FLCN: variants seen among roughly 807,000 people sequenced by gnomAD.
The protein encoded by FLCN is folliculin.
Under a neutral mutation model 62.5 loss-of-function variants are expected in FLCN, and 22 were observed. The observed-to-expected ratio is 0.35, with a 90% confidence interval of 0.25 to 0.50. The LOEUF (loss-of-function observed/expected upper bound fraction) is 0.50. Among genes scored for constraint, FLCN ranks in the 20% least tolerant of loss-of-function variants. FLCN has a pLI of 0.97. For synonymous variants in FLCN, 319 were observed against 310.0 expected, an observed-to-expected ratio of 1.03 and a Z score of -0.30; for missense variants, 657 against 778.0, an observed-to-expected ratio of 0.84 and a Z score of 1.85.
At chr17:17,217,908 G>A (rs951044045) in intron 9 of FLCN, among the ~76,000 whole-genome samples, 2 of 152,260 alleles carry the variant, frequency 1.3e-5, no homozygotes, top group Admixed American at 1.3e-4. Flanking sequence ...CAGCCTCAAA[G>A]TAGTCCCACC....
chr17:17,222,229 T>C (rs2047113097), intron 7 of FLCN, among the ~76,000 whole-genome samples: 1 of 152,054 alleles, frequency 6.6e-6, no homozygotes, highest in African/African-American at 2.4e-5. Flanking sequence ...CCCAGCTACT[T>C]GGGAGGCTGG....
At chr17:17,232,276 G>A (rs543287548) in intron 2 of FLCN, among the ~76,000 whole-genome samples, 17 of 152,178 alleles carry the variant, frequency 1.1e-4, no homozygotes, top group African/African-American at 4.1e-4. Flanking sequence ...CCTCCACCCC[G>A]ACACCCTCCC....
intron 1 of FLCN, among the ~76,000 whole-genome samples, chr17:17,235,109 CAAAAAAA>C (rs34695824): frequency 0.012 from 874 of 70,620 alleles, 16 homozygotes; most frequent in African/African-American, 0.04. Flanking sequence ...GACTCCATTT[CAAAAAAA>C]AAAAAAAAAA....
intron 9 of FLCN, 132 bp downstream of exon 9, chr17:17,218,887 A>G (rs1246663466): frequency 9.8e-7 from 1 of 1,022,838 alleles, no homozygotes; most frequent in Non-Finnish European, 1.4e-6. Context: ...TCAGCCACCC[A>G]CCGAGGAGGC....
At chr17:17,227,744 C>A in intron 4 of FLCN, 145 bp downstream of exon 4, 1 of 1,144,324 alleles carries the variant, frequency 8.7e-7, no homozygotes, top group Non-Finnish European at 1.3e-6. Flanking sequence ...ACAAAAGCTA[C>A]AGTCAGGATG....
At position 17,223,986 on chromosome 17, in the gene FLCN, G is replaced by A; in HGVS notation, c.554C>T (p.Ser185Phe). The change falls in exon 6 of 14, where the codon TCC becomes TTC. Residue 185 changes from serine (S) to phenylalanine (F), a missense_variant. Coordinates refer to ENST00000285071, the MANE Select transcript of FLCN (RefSeq NM_144997.7). ...GACCTTCCCCAGCAGGAAGGGCCAG[G>A]AGTTGATGAGGTAGATCCGGTCCAT... Reference protein sequence around the residue: ...IMMDRIYLINSWPFLLGKVRG... With the variant: ...IMMDRIYLINFWPFLLGKVRG... The A allele has an allele frequency of 6.2e-7, 1 of 1,613,684 alleles. No individual in the cohort carries two copies. The highest frequency in any genetic ancestry group is 8.5e-7 in the Non-Finnish European group (1 of 1,180,046).
Position 17,216,663 on chromosome 17 carries a change from G to C in FLCN, c.1177-160C>G, listed in dbSNP as rs894795804. Among the ~76,000 whole-genome samples, 1 of 152,058 alleles carries C rather than the reference G, an allele frequency of 6.6e-6. No individual in the cohort carries two copies. The highest frequency in any genetic ancestry group is 1.5e-5 in the Non-Finnish European group (1 of 67,988). On this transcript the variant is annotated intron_variant, in intron 10 of 13. Transcript: ENST00000285071. This position sits in a 1 kb window ranked among gnomAD's most constrained non-coding sequence, Gnocchi z 4.0. ...GACTCTCAGCCCACAGTGGGGGTGA[G>C]GGGGGAGGGTCCTCCACCACCAGGT... is the stretch of plus-strand genomic sequence containing the variant.
At chr17:17,221,695 G>A (rs1198052217) in intron 7 of FLCN, 67 bp from the exon 8 acceptor site, 1 of 1,525,688 alleles carries the variant, frequency 6.6e-7, no homozygotes, top group Non-Finnish European at 8.9e-7. Context: ...CGCTCACCCA[G>A]CCCCTGATCC....
intron 6 of FLCN, among the ~76,000 whole-genome samples, chr17:17,223,562 G>A (rs773774148): frequency 1.3e-5 from 2 of 152,232 alleles, no homozygotes; most frequent in East Asian, 3.8e-4. Flanking sequence ...GGCCTGGCCT[G>A]AGCTGCATCT....
rs770396757 is a variant in FLCN at position 17,219,060 on chromosome 17, G to A, written c.1021C>T (p.Arg341Trp). 3.3e-5 allele frequency: 54 copies of A among 1,613,718 alleles called. No homozygotes were observed. Among genetic ancestry groups the A allele is most frequent in the South Asian group, 2.0e-4 (18 of 91,080 alleles). ...AGGGACTTGAAGACTGGCAGCTTCC[G>A]GGGCTGCCAGCTCCCACAGCCTGAG... ...SLSGCGSWQP[R>W]KLPVFKSLRH... is the part of the protein sequence containing the mutation. The change falls in exon 9 of 14, where the codon CGG (arginine) becomes TGG (tryptophan). Residue 341 changes from arginine (R) to tryptophan (W), a missense_variant. Physicochemically the swap from Arg to Trp is moderately radical, Grantham distance 101 (BLOSUM62 -3). Coordinates refer to ENST00000285071, the MANE Select transcript of FLCN (RefSeq NM_144997.7).
rs766218250 is a variant in FLCN, at chr17:17,216,400, G to C, written c.1280C>G (p.Pro427Arg). 1.2e-6 allele frequency: 2 copies of C among 1,613,650 alleles called. No homozygotes were observed. The highest frequency in any genetic ancestry group is 1.7e-6 in the Non-Finnish European group (2 of 1,179,760). ...CGCACCTGAGGAGAGCACGTGGGGG[G>C]GGATCTGCACGTGCGGGCTGAGCCC... ...FLGLSPHVQIPPHVLSSEFAV... is the reference protein window; with the variant it reads ...FLGLSPHVQIRPHVLSSEFAV... Residue 427 changes from proline to arginine, a missense_variant, in exon 11 of 14, where the codon CCC becomes CGC. Physicochemically the swap from Pro to Arg is moderately radical, Grantham distance 103. Transcript: ENST00000285071. The surrounding 1 kb of genome is among the most constrained non-coding windows in gnomAD (Gnocchi z 4.0).
chr17:17,221,276 T>C, intron 8 of FLCN: 6 of 1,546,864 alleles, frequency 3.9e-6, no homozygotes, highest in Non-Finnish European at 5.2e-6. Context: ...CAGTTCTCTC[T>C]ACAGACAGCC....
chr17:17,215,103 G>A lies in FLCN; in HGVS notation c.1433-13C>T, dbSNP rs200771620. ...ATGGTGGGGCCCACTGGGGAGAAGG[G>A]CAGGGGCAGAGCAAGGGCAGGCGTT... On this transcript the variant is annotated splice_polypyrimidine_tract_variant and intron_variant, in intron 12 of 13. Coordinates refer to ENST00000285071, the MANE Select transcript of FLCN (RefSeq NM_144997.7). The A allele has an allele frequency of 5.0e-6, 8 of 1,613,940 alleles. No homozygotes were observed. The Admixed American group carries it at 1.0e-4, about 20-fold the overall frequency.
chr17:17,224,497 T>A (rs2047193408), intron 5 of FLCN: 1 of 432,982 alleles, frequency 2.3e-6, no homozygotes, highest in Non-Finnish European at 4.3e-6. Flanking sequence ...GAGCAGCCAC[T>A]GCACTCTCCC....
At chr17:17,221,510 G>A in intron 8 of FLCN, 27 bp downstream of exon 8, 1 of 1,613,746 alleles carries the variant, frequency 6.2e-7, no homozygotes, top group South Asian at 1.1e-5. Context: ...CCGGGCCAAG[G>A]CCCCGGCAAC....
chr17:17,213,300 G>A lies in FLCN; in HGVS notation c.*355C>T. 1 of 457,972 alleles carries A rather than the reference G, an allele frequency of 2.2e-6. No individual in the cohort carries two copies. Among genetic ancestry groups the A allele is most frequent in the Middle Eastern group, 6.1e-4 (1 of 1,634 alleles). The allele number at this position is 457,972 out of a possible 1,614,324, so 28.4% of individuals were successfully genotyped here. On this transcript the variant is annotated 3_prime_UTR_variant, in exon 14 of 14. Transcript: ENST00000285071. ...ACCTCGGGAGCAGACATGTTATTGC[G>A]ACTGCATACTGAGTCGGACCTGTTT... is the stretch of plus-strand genomic sequence containing the variant.
intron 2 of FLCN, among the ~76,000 whole-genome samples, chr17:17,232,441 G>A (rs754430983): frequency 1.3e-5 from 2 of 152,302 alleles, no homozygotes; most frequent in Non-Finnish European, 2.9e-5. Context: ...AGAAAGGGGC[G>A]GAATCTAGGG....
At position 17,227,276 on chromosome 17, in the gene FLCN, G is replaced by A. The variant is rs184560299; in HGVS notation, c.249+613C>T. Among the ~76,000 whole-genome samples, 3 of 148,680 alleles carry A rather than the reference G, an allele frequency of 2.0e-5. No homozygotes were observed. The East Asian group carries it at 5.9e-4, about 29-fold the overall frequency. On this transcript the variant is annotated intron_variant, in intron 4 of 13. Coordinates refer to ENST00000285071, the MANE Select transcript of FLCN (RefSeq NM_144997.7). The stretch of plus-strand genomic sequence containing the variant: ...AATTCCCGAGAGTTCAAGAGCTGAT[G>A]GAGTGACCCACCGAGAACACTGGGG...
intron 8 of FLCN, among the ~76,000 whole-genome samples, 156 bp from the exon 9 acceptor site, chr17:17,219,365 T>TGGGA (rs2047021487): frequency 7.7e-6 from 1 of 130,070 alleles, no homozygotes; most frequent in African/African-American, 2.8e-5. Context: ...AGCCCTGGGG[T>TGGGA]GGGAGGGAGG....
Sources: allele counts gnomAD v4.1 joint callset (sites outside exome capture counted in the v4.1 genomes callset), GRCh38; gene constraint gnomAD v4.1.1; non-coding constraint Gnocchi (gnomAD v3.1); transcripts MANE v1.5; gene names NCBI Gene and HGNC (gene_info 2026-07-23, HGNC 2026-07-21).